PCDHGB4: variants seen among roughly 807,000 people sequenced by gnomAD.
PCDHGB4 encodes protocadherin gamma subfamily B, 4.
In PCDHGB4, 38 loss-of-function variants were observed where a neutral mutation model predicts 60.5. The observed-to-expected ratio is 0.63, with a 90% CI of 0.48 to 0.82. The LOEUF (loss-of-function observed/expected upper bound fraction) is 0.82. PCDHGB4 is among the 40% of genes least tolerant of loss of function. The pLI is 0.00. For missense variants in PCDHGB4, 1,109 were observed against 1,209.6 expected, an observed-to-expected ratio of 0.92 and a Z score of 1.23; for synonymous variants, 456 against 509.7, an observed-to-expected ratio of 0.89 and a Z score of 1.42.
In PCDHGB4 at chr5:141,512,843, T is replaced by G. The variant is rs2099884463; in HGVS notation, c.*1670T>G. ...CCCTCCCCCGTACTGACTTCTCCTATAAGCGCTTCTCTTCGCATAGTCACG... is the reference window on the plus strand; with the variant it reads ...CCCTCCCCCGTACTGACTTCTCCTAGAAGCGCTTCTCTTCGCATAGTCACG... On this transcript the variant is annotated 3_prime_UTR_variant, in exon 4 of 4. Coordinates refer to ENST00000519479, the MANE Select transcript of PCDHGB4 (RefSeq NM_003736.4). 6.6e-6 allele frequency: 1 copy of G among 152,290 alleles called. No individual in the cohort carries two copies. The highest frequency in any genetic ancestry group is 1.5e-5 in the Non-Finnish European group (1 of 68,088). 9.4% of individuals were successfully genotyped at this position (152,290 alleles called of 1,614,324 possible).
chr5:141,431,506 G>T lies in PCDHGB4; in HGVS notation c.2397+41225G>T. 1.2e-6 allele frequency: 2 copies of T among 1,613,988 alleles called. No homozygotes were observed. Among genetic ancestry groups the T allele is most frequent in the South Asian group, 2.2e-5 (2 of 91,084 alleles). The stretch of plus-strand genomic sequence containing the variant: ...CGTTTGCTCAGCCCGAGTACCGCGC[G>T]AGCGTTCCGGAGAATCTGGCCTTGG... On this transcript the variant is annotated intron_variant, in intron 1 of 3. Coordinates refer to ENST00000519479, the MANE Select transcript of PCDHGB4 (RefSeq NM_003736.4). This position sits in a 1 kb window ranked among gnomAD's most constrained non-coding sequence, Gnocchi z 4.8.
At chr5:141,404,914 C>G (rs1423848318) in intron 1 of PCDHGB4, 1 of 1,613,830 alleles carries the variant, frequency 6.2e-7, no homozygotes, top group Non-Finnish European at 8.5e-7. Flanking sequence ...AGCCCCCTCT[C>G]TCGGCCACTG....
At chr5:141,403,770 T>A in intron 1 of PCDHGB4, 1 of 1,613,894 alleles carries the variant, frequency 6.2e-7, no homozygotes, top group Non-Finnish European at 8.5e-7. Flanking sequence ...GATGAGGGAA[T>A]CAACGGAAAA....
At chr5:141,430,991 A>T (rs2097333608) in intron 1 of PCDHGB4, 1 of 1,613,980 alleles carries the variant, frequency 6.2e-7, no homozygotes, top group African/African-American at 1.3e-5. Context: ...TTTCGCCCTG[A>T]ATCCGCGCAG....
intron 1 of PCDHGB4, chr5:141,442,062 G>A (rs1001398926): frequency 7.0e-5 from 13 of 185,900 alleles, no homozygotes; most frequent in Admixed American, 1.3e-4. Context: ...GGTGCACTGC[G>A]GTGGACAGCC....
rs759439765 is a variant in PCDHGB4 at position 141,478,199 on chromosome 5, C to A, written c.2398-16608C>A. ...GAAAAAAAATCTCACCTTTTATCTA[C>A]TTCTTTCTCTAATCCTGGTTTCTGT... On this transcript the variant is annotated intron_variant, in intron 1 of 3. Coordinates refer to ENST00000519479, the MANE Select transcript of PCDHGB4 (RefSeq NM_003736.4). The A allele has an allele frequency of 3.8e-5, 62 of 1,613,938 alleles. No homozygotes were observed. Among genetic ancestry groups the A allele is most frequent in the Non-Finnish European group, 5.0e-5 (59 of 1,180,046 alleles).
intron 1 of PCDHGB4, among the ~76,000 whole-genome samples, chr5:141,457,968 G>A (rs919621979): frequency 6.6e-6 from 1 of 152,120 alleles, no homozygotes; most frequent in African/African-American, 2.4e-5. Context: ...TTCCTTAAAG[G>A]GAAACACACC....
intron 1 of PCDHGB4, chr5:141,419,707 C>T (rs781629810): frequency 4.6e-5 from 74 of 1,613,062 alleles, no homozygotes; most frequent in Middle Eastern, 1.7e-4. Flanking sequence ...AGCCCGGGCT[C>T]TTCAGCCTGG....
chr5:141,491,243 ATGAGGACCC>A lies in PCDHGB4; in HGVS notation c.2398-3557_2398-3549del. 1 of 1,614,200 alleles carries A rather than the reference ATGAGGACCC, an allele frequency of 6.2e-7. No individual in the cohort carries two copies. Among genetic ancestry groups the A allele is most frequent in the African/African-American group, 1.3e-5 (1 of 75,056 alleles). ...GCCACAGTGCTGCTGGTTCTGGAGG[ATGAGGACCC>A]TGAGGAAATGCCCAAATCCAGTGAC... On this transcript the variant is annotated intron_variant, in intron 1 of 3. Coordinates refer to ENST00000519479, the MANE Select transcript of PCDHGB4 (RefSeq NM_003736.4). This position sits in a 1 kb window ranked among gnomAD's most constrained non-coding sequence, Gnocchi z 6.9.
chr5:141,474,412 C>T (rs1282336092), intron 1 of PCDHGB4, among the ~76,000 whole-genome samples: 2 of 152,220 alleles, frequency 1.3e-5, no homozygotes, highest in African/African-American at 2.4e-5. Context: ...CCGGTGATGC[C>T]TAGACCATTG....
chr5:141,399,465 G>T, intron 1 of PCDHGB4: 1 of 1,614,014 alleles, frequency 6.2e-7, no homozygotes, highest in Non-Finnish European at 8.5e-7. Context: ...ATAACGCTCC[G>T]GTTTTCCACC....
rs2096205933 is a variant in PCDHGB4, at chr5:141,417,998, G to C, written c.2397+27717G>C. ...GGAGGAGCTGGCCAAGGGCTCGGTGGTGGGGAACCTCGCTAAGGATCTAGG... is the reference window on the plus strand; with the variant it reads ...GGAGGAGCTGGCCAAGGGCTCGGTGCTGGGGAACCTCGCTAAGGATCTAGG... On this transcript the variant is annotated intron_variant, in intron 1 of 3. Transcript: ENST00000519479. The C allele has an allele frequency of 1.9e-6, 3 of 1,613,928 alleles. No individual in the cohort carries two copies. The East Asian group carries it at 6.7e-5, about 36-fold the overall frequency.
intron 1 of PCDHGB4, chr5:141,478,628 T>G (rs1245431927): frequency 6.4e-7 from 1 of 1,553,704 alleles, no homozygotes; most frequent in African/African-American, 1.4e-5. Context: ...GAGCTGTTTT[T>G]TTAGTGATGA....
chr5:141,472,060 T>C (rs185246000), intron 1 of PCDHGB4, among the ~76,000 whole-genome samples: 5 of 152,276 alleles, frequency 3.3e-5, no homozygotes, highest in Non-Finnish European at 1.5e-5. Context: ...ATGATTGACA[T>C]GTCTGTGGTT....
intron 1 of PCDHGB4, among the ~76,000 whole-genome samples, chr5:141,480,615 AT>A (rs1279544819): frequency 2.0e-5 from 3 of 152,218 alleles, no homozygotes; most frequent in African/African-American, 7.2e-5. Context: ...AGCAACTGGC[AT>A]TTTCCCTAGA....
intron 1 of PCDHGB4, among the ~76,000 whole-genome samples, chr5:141,438,613 TATATATATATATATATATATATACAC>T (rs1192023297): frequency 0.026 from 946 of 36,486 alleles, 27 homozygotes; most frequent in African/African-American, 0.12. Flanking sequence ...TATATATATA[TATATATATATATATATATATATACAC>T]ACACACACAC....
intron 1 of PCDHGB4, chr5:141,414,525 T>C (rs1413988459): frequency 1.2e-6 from 2 of 1,613,972 alleles, no homozygotes; most frequent in South Asian, 1.1e-5. Flanking sequence ...CAGATATCAA[T>C]GACAACCCAC....
intron 1 of PCDHGB4, chr5:141,414,828 G>A (rs780047810): frequency 1.4e-5 from 22 of 1,614,092 alleles, no homozygotes; most frequent in Non-Finnish European, 1.8e-5. Flanking sequence ...GCAACGTGTC[G>A]TTGAGCCTGT....
intron 1 of PCDHGB4, among the ~76,000 whole-genome samples, chr5:141,401,533 C>T (rs998579261): frequency 5.9e-5 from 9 of 151,790 alleles, no homozygotes; most frequent in South Asian, 2.1e-4. Context: ...AAGAAACTTA[C>T]AAAAAAAAGG....
Sources: gnomAD v4.1 joint callset for allele counts (sites outside exome capture counted in the v4.1 genomes callset) on GRCh38, gnomAD v4.1.1 for gene constraint, Gnocchi (gnomAD v3.1) non-coding constraint, MANE v1.5 for transcripts, NCBI Gene and HGNC (gene_info 2026-07-23, HGNC 2026-07-21) for gene names.